Variants in CD96 observed in about 807,000 individuals in gnomAD.
CD96 encodes CD96 molecule.
CD96 carries 70 observed loss-of-function variants against 71.3 expected under a neutral mutation model. The ratio of observed to expected loss-of-function variants is 0.98; its 90% CI spans 0.81 to 1.20. CD96 has a LOEUF of 1.20. Among genes scored for constraint, CD96 ranks in the 50% most tolerant of loss-of-function variants. The pLI, the probability that CD96 is intolerant of heterozygous loss-of-function variation, is 0.00. For synonymous variants in CD96, 248 were observed against 233.0 expected, an observed-to-expected ratio of 1.06 and a Z score of -0.59; for missense variants, 742 against 677.5, an observed-to-expected ratio of 1.10 and a Z score of -1.06.
At chr3:111,598,319 A>C in intron 6 of CD96, 109 bp downstream of exon 6, 1 of 723,266 alleles carries the variant, frequency 1.4e-6, no homozygotes, top group Non-Finnish European at 2.5e-6. Context: ...AATGATTCTC[A>C]TTCCAAGAAA....
intron 2 of CD96, among the ~76,000 whole-genome samples, chr3:111,552,063 T>C (rs774754545): frequency 7.9e-5 from 12 of 152,188 alleles, no homozygotes; most frequent in Non-Finnish European, 1.3e-4. Flanking sequence ...TGTTGAGCTT[T>C]TTTTCATATT....
At chr3:111,615,552 G>A (rs1428390306) in intron 8 of CD96, among the ~76,000 whole-genome samples, 2 of 152,164 alleles carry the variant, frequency 1.3e-5, no homozygotes, top group African/African-American at 4.8e-5. Flanking sequence ...GAAATAGAGT[G>A]GCTGATTGAC....
intron 10 of CD96, among the ~76,000 whole-genome samples, chr3:111,626,306 C>CA (rs71131971): frequency 0.57 from 42,659 of 74,888 alleles, 13,513 homozygotes; most frequent in South Asian, 0.63. Context: ...GACTCCGTCT[C>CA]AAAAAAAAAA....
chr3:111,664,498 T>A (rs1940434677), intron 14 of CD96, among the ~76,000 whole-genome samples: 1 of 152,172 alleles, frequency 6.6e-6, no homozygotes, highest in South Asian at 2.1e-4. Context: ...ATGGACAATG[T>A]GGACTACTAG....
intron 6 of CD96, among the ~76,000 whole-genome samples, chr3:111,599,645 T>C (rs1340558640): frequency 6.6e-6 from 1 of 151,866 alleles, no homozygotes; most frequent in Non-Finnish European, 1.5e-5. Context: ...CGCTTGAACC[T>C]GGGAAGCAAA....
At chr3:111,605,513 G>A (rs1184130527) in intron 7 of CD96, among the ~76,000 whole-genome samples, 2 of 152,174 alleles carry the variant, frequency 1.3e-5, no homozygotes, top group African/African-American at 4.8e-5. Context: ...TCATGCTGAA[G>A]AGTTCAAACT....
intron 8 of CD96, among the ~76,000 whole-genome samples, chr3:111,622,751 A>G (rs957082992): frequency 1.3e-5 from 2 of 152,238 alleles, no homozygotes; most frequent in Admixed American, 6.5e-5. Context: ...AGATCTGGGG[A>G]AAAGTTTCTT....
downstream of CD96, among the ~76,000 whole-genome samples, chr3:111,655,309 G>A (rs1363520571): frequency 6.6e-6 from 1 of 152,112 alleles, no homozygotes; most frequent in African/African-American, 2.4e-5. Context: ...TTTAGGGTTT[G>A]TAGATTCCAC....
intron 5 of CD96, chr3:111,593,554 A>G: frequency 4.6e-6 from 7 of 1,514,996 alleles, no homozygotes; most frequent in Non-Finnish European, 6.2e-6. Context: ...TTTAAACAAA[A>G]TGGAAGGGAT....
chr3:111,554,214 G>A (rs922835140), intron 2 of CD96, among the ~76,000 whole-genome samples: 1 of 151,552 alleles, frequency 6.6e-6, no homozygotes, highest in African/African-American at 2.4e-5. Flanking sequence ...TTTCCCTTCT[G>A]TGATTCAATT....
At chr3:111,601,167 T>A (rs1203891718) in intron 7 of CD96, among the ~76,000 whole-genome samples, 1 of 152,234 alleles carries the variant, frequency 6.6e-6, no homozygotes, top group East Asian at 1.9e-4. Flanking sequence ...AATTTTTTGT[T>A]CCAATTTAAT....
chr3:111,620,265 A>G (rs575145349), intron 8 of CD96, among the ~76,000 whole-genome samples: 6 of 152,300 alleles, frequency 3.9e-5, no homozygotes, highest in African/African-American at 1.4e-4. Context: ...CATGAACTTA[A>G]ACTCCAGGAG....
At chr3:111,593,402 C>T in intron 5 of CD96, 1 of 1,040,050 alleles carries the variant, frequency 9.6e-7, no homozygotes, top group Non-Finnish European at 1.3e-6. Context: ...CAGACCTGCT[C>T]AGATTAACTC....
At chr3:111,557,989 A>G (rs1327303572) in intron 2 of CD96, among the ~76,000 whole-genome samples, 1 of 146,974 alleles carries the variant, frequency 6.8e-6, no homozygotes, top group Non-Finnish European at 1.5e-5. Flanking sequence ...GAGTTCACTC[A>G]TGATTTGGCT....
At chr3:111,571,016 T>A in intron 3 of CD96, 1 of 1,430,952 alleles carries the variant, frequency 7.0e-7, no homozygotes, top group East Asian at 2.3e-5. Context: ...CCAGCTTCTC[T>A]TTTGGGGTCA....
chr3:111,653,119 C>T (rs1241184526), downstream of CD96, among the ~76,000 whole-genome samples: 1 of 152,128 alleles, frequency 6.6e-6, no homozygotes, highest in African/African-American at 2.4e-5. Context: ...TAACCCAAGG[C>T]TTGAAAAGTA....
chr3:111,649,966 C>T lies in CD96; in HGVS notation c.*160C>T, dbSNP rs3733176. The T allele has an allele frequency of 0.2, 138,155 of 674,366 alleles. 16,280 individuals carry two copies. The highest frequency in any genetic ancestry group is 0.43 in the African/African-American group (24,475 of 56,636). The allele number at this position is 674,366 out of a possible 1,614,324, so 41.8% of individuals were successfully genotyped here. On this transcript the variant is annotated 3_prime_UTR_variant, in exon 14 of 14. Coordinates refer to ENST00000352690, the MANE Select transcript of CD96 (RefSeq NM_005816.5). ...TGTTTTCCCAGCAACTCACCCTCTT[C>T]CATCTCCAAACGCCTGAAGCTTAAC...
At chr3:111,635,010 A>G (rs1313529466) in intron 10 of CD96, 1 of 153,262 alleles carries the variant, frequency 6.5e-6, no homozygotes, top group Non-Finnish European at 1.5e-5. Flanking sequence ...TCCCTAAATG[A>G]TAGAGTGGAT....
At chr3:111,658,881 A>C (rs1382338351) in intron 14 of CD96, among the ~76,000 whole-genome samples, 4 of 152,166 alleles carry the variant, frequency 2.6e-5, no homozygotes, top group Non-Finnish European at 4.4e-5. Flanking sequence ...AGATTTTGGT[A>C]TCAGTCTGAT....
Sources: gnomAD v4.1 joint callset for allele counts (sites outside exome capture counted in the v4.1 genomes callset) on GRCh38, gnomAD v4.1.1 for gene constraint, MANE v1.5 for transcripts, NCBI Gene and HGNC (gene_info 2026-07-23, HGNC 2026-07-21) for gene names.